Variants in SLC4A10 observed in about 807,000 individuals in gnomAD.
SLC4A10 encodes sodium-driven chloride bicarbonate exchanger.
SLC4A10 carries 42 observed loss-of-function variants against 137.7 expected under a neutral mutation model. That is an observed-to-expected ratio of 0.30 (90% confidence interval 0.24 to 0.39). The LOEUF is 0.39. Ranked by LOEUF, SLC4A10 falls within the 10% of genes least tolerant of loss-of-function variation. SLC4A10 has a pLI of 1.00. For synonymous variants in SLC4A10, 474 were observed against 464.1 expected, an observed-to-expected ratio of 1.02 and a Z score of -0.27; for missense variants, 925 against 1,355.0, an observed-to-expected ratio of 0.68 and a Z score of 4.98.
intron 19 of SLC4A10, among the ~76,000 whole-genome samples, chr2:161,952,804 G>A (rs1695031289): frequency 6.6e-6 from 1 of 152,152 alleles, no homozygotes; most frequent in African/African-American, 2.4e-5. Context: ...AGCTTCTATA[G>A]AGTGTGGTCT....
In SLC4A10 at chr2:161,947,882, G is replaced by A. The variant is rs541819387; in HGVS notation, c.2265+155G>A. On this transcript the variant is annotated intron_variant, in intron 17 of 26. Transcript: ENST00000446997. ...GAGGGGCTGAAGAGAAAGAATTTGT[G>A]ATGCAGGTGCTGGGAGTGCATATGC... 4.6e-5 allele frequency among the ~76,000 whole-genome samples: 7 copies of A among 152,278 alleles called. No individual in the cohort carries two copies. In the Middle Eastern group the frequency reaches 0.014, roughly 296 times the overall value.
intron 15 of SLC4A10, among the ~76,000 whole-genome samples, chr2:161,941,472 A>G (rs1256862252): frequency 6.6e-6 from 1 of 152,178 alleles, no homozygotes; most frequent in Non-Finnish European, 1.5e-5. Context: ...GTAAGCTAAC[A>G]TGTCTATTAC....
At chr2:161,861,778 A>G (rs538730492) in intron 5 of SLC4A10, among the ~76,000 whole-genome samples, 4 of 152,302 alleles carry the variant, frequency 2.6e-5, no homozygotes, top group South Asian at 2.1e-4. Flanking sequence ...TATTATCTCC[A>G]TTTTACAAAT....
intron 1 of SLC4A10, among the ~76,000 whole-genome samples, chr2:161,636,076 T>C (rs1170629564): frequency 1.3e-5 from 2 of 152,176 alleles, no homozygotes; most frequent in African/African-American, 4.8e-5. Context: ...TTAAAACTCA[T>C]GTCTTATCTT....
At chr2:161,627,004 T>C (rs2032522700) in intron 1 of SLC4A10, among the ~76,000 whole-genome samples, 1 of 152,128 alleles carries the variant, frequency 6.6e-6, no homozygotes, top group Non-Finnish European at 1.5e-5. Flanking sequence ...TGTTATATGA[T>C]ATTGGGAAAG....
chr2:161,923,836 GA>G (rs910493539), intron 15 of SLC4A10, among the ~76,000 whole-genome samples: 19 of 149,868 alleles, frequency 1.3e-4, no homozygotes, highest in East Asian at 2.0e-4. Flanking sequence ...ATAAAAAAAA[GA>G]AAAAAAAATA....
At chr2:161,897,818 T>C (rs1256429268) in intron 11 of SLC4A10, among the ~76,000 whole-genome samples, 2 of 152,156 alleles carry the variant, frequency 1.3e-5, no homozygotes, top group African/African-American at 4.8e-5. Flanking sequence ...GTAGAAACTC[T>C]TTAATTAATG....
intron 6 of SLC4A10, among the ~76,000 whole-genome samples, chr2:161,867,343 C>T (rs75247385): frequency 0.016 from 2,449 of 151,790 alleles, 68 homozygotes; most frequent in African/African-American, 0.056. Context: ...AATAAGATAT[C>T]CAGGATTTAA....
intron 1 of SLC4A10, among the ~76,000 whole-genome samples, chr2:161,748,862 C>T (rs2048658466): frequency 1.3e-5 from 2 of 152,014 alleles, no homozygotes; most frequent in African/African-American, 4.8e-5. Context: ...CTGTATATTG[C>T]TTTGGGTAGT....
intron 15 of SLC4A10, among the ~76,000 whole-genome samples, chr2:161,932,011 T>C (rs992197668): frequency 6.6e-6 from 1 of 152,228 alleles, no homozygotes; most frequent in Non-Finnish European, 1.5e-5. Flanking sequence ...TTTCCCTATT[T>C]TGTGTTTTAG....
intron 6 of SLC4A10, among the ~76,000 whole-genome samples, chr2:161,867,636 A>G (rs1254110755): frequency 2.6e-5 from 4 of 151,906 alleles, no homozygotes; most frequent in Non-Finnish European, 5.9e-5. Context: ...TGAATTTGTT[A>G]TTTCTTATAT....
intron 21 of SLC4A10, among the ~76,000 whole-genome samples, chr2:161,959,434 G>C (rs888942933): frequency 6.6e-6 from 1 of 152,204 alleles, no homozygotes; most frequent in Non-Finnish European, 1.5e-5. Flanking sequence ...AGGTTTGATA[G>C]TGCTGGAGGA....
chr2:161,896,683 T>G (rs1484766280), intron 11 of SLC4A10, among the ~76,000 whole-genome samples: 3 of 152,036 alleles, frequency 2.0e-5, no homozygotes, highest in Non-Finnish European at 4.4e-5. Flanking sequence ...AATGCATGTT[T>G]TACAATAGCA....
intron 3 of SLC4A10, among the ~76,000 whole-genome samples, chr2:161,807,434 T>C (rs1365180633): frequency 6.6e-6 from 1 of 152,140 alleles, no homozygotes; most frequent in East Asian, 1.9e-4. Context: ...TTCTCTGTCA[T>C]TGCACTTTGT....
At chr2:161,854,216 A>AT (rs2059978796) in intron 4 of SLC4A10, among the ~76,000 whole-genome samples, 1 of 152,214 alleles carries the variant, frequency 6.6e-6, no homozygotes, top group Non-Finnish European at 1.5e-5. Context: ...ACGGATAAGA[A>AT]TTAAGTGGCT....
chr2:161,818,108 A>G (rs1173059630), intron 3 of SLC4A10, among the ~76,000 whole-genome samples: 1 of 152,154 alleles, frequency 6.6e-6, no homozygotes, highest in Admixed American at 6.5e-5. Context: ...CTTCCTACCC[A>G]TGAGCATGGA....
intron 1 of SLC4A10, among the ~76,000 whole-genome samples, chr2:161,746,310 C>T (rs1236780637): frequency 6.7e-6 from 1 of 149,304 alleles, no homozygotes; most frequent in Non-Finnish European, 1.5e-5. Context: ...GACAAAAGTC[C>T]TCTTTACTTT....
At chr2:161,885,094 C>T (rs2125989245) in intron 10 of SLC4A10, among the ~76,000 whole-genome samples, 1 of 152,246 alleles carries the variant, frequency 6.6e-6, no homozygotes, top group Middle Eastern at 3.4e-3. Flanking sequence ...GGGAGAATCA[C>T]TTGAACCTGG....
chr2:161,840,926 G>C (rs1052988297), intron 4 of SLC4A10, among the ~76,000 whole-genome samples: 1 of 152,156 alleles, frequency 6.6e-6, no homozygotes, highest in Non-Finnish European at 1.5e-5. Flanking sequence ...GAGAGGATCA[G>C]GGTAGCTTCC....
Sources: allele counts gnomAD v4.1 joint callset (sites outside exome capture counted in the v4.1 genomes callset), GRCh38; gene constraint gnomAD v4.1.1; transcripts MANE v1.5; gene names NCBI Gene and HGNC (gene_info 2026-07-23, HGNC 2026-07-21).